PTAFR: variants seen among roughly 807,000 people sequenced by gnomAD.
The protein encoded by PTAFR is platelet activating factor receptor.
Under a neutral mutation model 14.7 loss-of-function variants are expected in PTAFR, and 8 were observed. The ratio of observed to expected loss-of-function variants is 0.54; its 90% CI spans 0.32 to 0.98. PTAFR has a LOEUF of 0.98. Ranked by LOEUF, PTAFR falls within the 50% of genes least tolerant of loss-of-function variation. The pLI is 0.04. For missense variants in PTAFR, 337 were observed against 451.2 expected (o/e 0.75, Z 2.29); for synonymous variants, 156 against 176.5 (o/e 0.88, Z 0.92).
intron 1 of PTAFR, among the ~76,000 whole-genome samples, chr1:28,187,658 T>A (rs1183495833): frequency 6.6e-6 from 1 of 152,096 alleles, no homozygotes; most frequent in East Asian, 1.9e-4. Flanking sequence ...GCACCGTGTA[T>A]TTTTTGTAAA....
chr1:28,177,748 T>C (rs938888254), upstream of PTAFR, among the ~76,000 whole-genome samples: 9 of 152,084 alleles, frequency 5.9e-5, no homozygotes, highest in Non-Finnish European at 1.2e-4. Flanking sequence ...TTTTTTTTTT[T>C]CACCCAGGCT....
chr1:28,163,311 G>T (rs1450392803), intron 1 of PTAFR, among the ~76,000 whole-genome samples: 1 of 152,304 alleles, frequency 6.6e-6, no homozygotes, highest in Non-Finnish European at 1.5e-5. Context: ...AATTTCTGTG[G>T]CTGTTTCCTT....
intron 1 of PTAFR, among the ~76,000 whole-genome samples, chr1:28,155,568 C>T (rs903197727): frequency 1.3e-5 from 2 of 152,142 alleles, no homozygotes; most frequent in Non-Finnish European, 2.9e-5. Flanking sequence ...CTGAATTTCA[C>T]TGCTTTAGGG....
At chr1:28,163,591 C>A (rs1422418796) in intron 1 of PTAFR, among the ~76,000 whole-genome samples, 1 of 152,180 alleles carries the variant, frequency 6.6e-6, no homozygotes, top group Admixed American at 6.5e-5. Context: ...CAAGTGACCT[C>A]GCCTCTCTAA....
intron 1 of PTAFR, among the ~76,000 whole-genome samples, chr1:28,188,980 A>T (rs948079215): frequency 6.6e-6 from 1 of 152,212 alleles, no homozygotes; most frequent in Non-Finnish European, 1.5e-5. Context: ...ATCACCACCC[A>T]CCTGAATAGA....
At chr1:28,168,771 C>T (rs543733209) in intron 1 of PTAFR, among the ~76,000 whole-genome samples, 11 of 152,176 alleles carry the variant, frequency 7.2e-5, no homozygotes, top group Non-Finnish European at 7.4e-5. Flanking sequence ...TGGGTTCAAG[C>T]GATTCTCCTG....
Position 28,150,856 on chromosome 1 carries a change from T to C in PTAFR, c.166A>G (p.Met56Val). The part of the protein sequence containing the change: ...CKKFNEIKIF[M>V]VNLTMADMLF... Reference sequence around the variant, plus strand: ...ATGTCCGCCATGGTGAGGTTCACCATGAAGATCTTTATCTCATTGAATTTC... The same window carrying C: ...ATGTCCGCCATGGTGAGGTTCACCACGAAGATCTTTATCTCATTGAATTTC... The change falls in exon 2 of 2, where the codon ATG (methionine) becomes GTG (valine). Residue 56 changes from methionine to valine, a missense_variant. Physicochemically the swap from Met to Val is conservative, Grantham distance 21. Transcript: ENST00000373857. This position sits in a 1 kb window ranked among gnomAD's most constrained non-coding sequence, Gnocchi z 6.3. The C allele has an allele frequency of 6.2e-7, 1 of 1,614,120 alleles. No homozygotes were observed. The highest frequency in any genetic ancestry group is 8.5e-7 in the Non-Finnish European group (1 of 1,180,034).
intron 1 of PTAFR, among the ~76,000 whole-genome samples, chr1:28,167,811 G>A (rs1225958140): frequency 1.4e-5 from 2 of 144,068 alleles, no homozygotes; most frequent in Non-Finnish European, 3.0e-5. Context: ...GCTAATTTTT[G>A]TACGTTTAGT....
intron 1 of PTAFR, among the ~76,000 whole-genome samples, chr1:28,184,022 C>T (rs551261004): frequency 9.9e-5 from 15 of 152,008 alleles, no homozygotes; most frequent in East Asian, 9.7e-4. Context: ...TCCACCTCCC[C>T]GCTGGATTGC....
At chr1:28,183,576 C>T (rs1490947967) in intron 1 of PTAFR, among the ~76,000 whole-genome samples, 2 of 152,038 alleles carry the variant, frequency 1.3e-5, no homozygotes, top group Non-Finnish European at 1.5e-5. Context: ...TGCAGTGAGC[C>T]GTGACTACAC....
chr1:28,155,356 G>A (rs1011625858), intron 1 of PTAFR, among the ~76,000 whole-genome samples: 2 of 152,132 alleles, frequency 1.3e-5, no homozygotes, highest in Admixed American at 6.5e-5. Context: ...GATTACAGGT[G>A]TGTGCCATCA....
intron 1 of PTAFR, among the ~76,000 whole-genome samples, chr1:28,176,063 T>C (rs928508310): frequency 2.0e-5 from 3 of 151,992 alleles, no homozygotes; most frequent in Admixed American, 1.3e-4. Context: ...AACTTGGGTG[T>C]TGGGTTCTCC....
At chr1:28,158,955 G>A (rs1433902187) in intron 1 of PTAFR, among the ~76,000 whole-genome samples, 3 of 152,218 alleles carry the variant, frequency 2.0e-5, no homozygotes, top group African/African-American at 7.2e-5. Flanking sequence ...CCAGGGCAGA[G>A]CCGATGGAGG....
chr1:28,177,123 G>C (rs147406620), upstream of PTAFR: 1 of 152,650 alleles, frequency 6.6e-6, no homozygotes, highest in African/African-American at 2.4e-5. Context: ...GAGATTCAGG[G>C]ACAAAGACAA....
chr1:28,159,473 G>A (rs1044893509), intron 1 of PTAFR, among the ~76,000 whole-genome samples: 2 of 152,210 alleles, frequency 1.3e-5, no homozygotes, highest in African/African-American at 2.4e-5. Flanking sequence ...ATCACAGGGA[G>A]AGCAGTTGCC....
In PTAFR at chr1:28,149,945, A is replaced by T; in HGVS notation, c.*48T>A. The T allele has an allele frequency of 6.4e-7, 1 of 1,562,502 alleles. No individual in the cohort carries two copies. Among genetic ancestry groups the T allele is most frequent in the Non-Finnish European group, 8.7e-7 (1 of 1,150,066 alleles). ...TAGATATCCCTTCTTCCCCCAGCTCAGTCCATGATGTTCATGGAGGAGAAG... is the reference window on the plus strand; with the variant it reads ...TAGATATCCCTTCTTCCCCCAGCTCTGTCCATGATGTTCATGGAGGAGAAG... On this transcript the variant is annotated 3_prime_UTR_variant, in exon 2 of 2. Transcript: ENST00000373857.
intron 1 of PTAFR, among the ~76,000 whole-genome samples, chr1:28,153,813 G>A (rs922093926): frequency 5.3e-5 from 8 of 151,870 alleles, no homozygotes; most frequent in African/African-American, 1.7e-4. Flanking sequence ...GCTTAAACCC[G>A]GGAGGCGGAG....
chr1:28,154,424 C>G (rs374286948), intron 1 of PTAFR, among the ~76,000 whole-genome samples: 23 of 152,102 alleles, frequency 1.5e-4, no homozygotes, highest in African/African-American at 5.6e-4. Flanking sequence ...GGCGAACACC[C>G]AGCAAGGGGG....
chr1:28,180,896 G>C (rs781745058), upstream of PTAFR, among the ~76,000 whole-genome samples: 19 of 152,036 alleles, frequency 1.2e-4, no homozygotes, highest in Non-Finnish European at 2.5e-4. Context: ...AAAAAAGAAA[G>C]GAAGAGGAAT....
Sources: allele counts gnomAD v4.1 joint callset (sites outside exome capture counted in the v4.1 genomes callset), GRCh38; gene constraint gnomAD v4.1.1; non-coding constraint Gnocchi (gnomAD v3.1); transcripts MANE v1.5; gene names NCBI Gene and HGNC (gene_info 2026-07-23, HGNC 2026-07-21).